SHQ1: variants seen among roughly 807,000 people sequenced by gnomAD.
The protein encoded by SHQ1 is SHQ1, H/ACA ribonucleoprotein assembly factor.
A neutral mutation model predicts 53.8 loss-of-function variants in SHQ1; 49 were observed. The ratio of observed to expected loss-of-function variants is 0.91; its 90% CI spans 0.72 to 1.16. The LOEUF (loss-of-function observed/expected upper bound fraction) is 1.16. SHQ1 is among the 50% of genes most tolerant of loss of function. SHQ1 has a pLI of 0.00. For missense variants in SHQ1, 738 were observed against 683.1 expected (o/e 1.08, Z -0.90); for synonymous variants, 243 against 251.0 (o/e 0.97, Z 0.30).
chr3:72,798,098 A>C (rs1290735736), intron 9 of SHQ1, among the ~76,000 whole-genome samples: 1 of 152,246 alleles, frequency 6.6e-6, no homozygotes, highest in Non-Finnish European at 1.5e-5. Flanking sequence ...GGGCATAAAA[A>C]AATGCTAAGG....
intron 10 of SHQ1, among the ~76,000 whole-genome samples, chr3:72,767,350 G>T (rs1425694376): frequency 6.6e-6 from 1 of 152,182 alleles, no homozygotes; most frequent in Non-Finnish European, 1.5e-5. Context: ...TCTGAAGCAG[G>T]GACACCATCT....
intron 6 of SHQ1, among the ~76,000 whole-genome samples, chr3:72,819,366 C>T (rs191605438): frequency 6.6e-6 from 1 of 152,258 alleles, no homozygotes; most frequent in Non-Finnish European, 1.5e-5. Context: ...CTTTCCAAAG[C>T]TACCATATCT....
At chr3:72,752,407 A>G (rs1254035378) in intron 10 of SHQ1, among the ~76,000 whole-genome samples, 1 of 152,152 alleles carries the variant, frequency 6.6e-6, no homozygotes, top group Non-Finnish European at 1.5e-5. Flanking sequence ...TTCACTGCCT[A>G]TTGTTTTATT....
intron 10 of SHQ1, among the ~76,000 whole-genome samples, chr3:72,771,463 A>G (rs1705849031): frequency 6.6e-6 from 1 of 152,244 alleles, no homozygotes; most frequent in Non-Finnish European, 1.5e-5. Flanking sequence ...AAAGACGAAT[A>G]TGAAGAATTT....
chr3:72,751,307 G>T (rs1705360016), intron 10 of SHQ1, among the ~76,000 whole-genome samples: 1 of 152,010 alleles, frequency 6.6e-6, no homozygotes, highest in Admixed American at 6.6e-5. Context: ...AGCCACTTGG[G>T]TGGAGGGGGG....
chr3:72,799,067 T>C (rs116124838), intron 9 of SHQ1, among the ~76,000 whole-genome samples: 1,695 of 150,848 alleles, frequency 0.011, 28 homozygotes, highest in African/African-American at 0.039. Flanking sequence ...ACACCTATAA[T>C]CCCAACACTA....
At chr3:72,725,625 C>T in the SHQ1 span, among the ~76,000 whole-genome samples, 44 of 152,282 alleles carry the variant, frequency 2.9e-4, no homozygotes, top group African/African-American at 6.5e-4. Flanking sequence ...CAGGTGTACA[C>T]GCACACACTC....
At chr3:72,794,802 G>A (rs775131750) in intron 9 of SHQ1, 1 of 152,190 alleles carries the variant, frequency 6.6e-6, no homozygotes, top group Non-Finnish European at 1.5e-5. Flanking sequence ...CCTTCGGGAA[G>A]TTCTGGGCTG....
At position 72,848,344 on chromosome 3, in the gene SHQ1, C is replaced by T. The variant is rs372599849; in HGVS notation, c.-4G>A. 3 of 1,613,618 alleles carry T rather than the reference C, an allele frequency of 1.9e-6. No individual in the cohort carries two copies. The highest frequency in any genetic ancestry group is 3.3e-5 in the Admixed American group (2 of 59,996). On this transcript the variant is annotated 5_prime_UTR_variant, in exon 1 of 11. Coordinates refer to ENST00000325599, the MANE Select transcript of SHQ1 (RefSeq NM_018130.3). Reference sequence around the variant, plus strand: ...GGTCGAACGCCGGGGTCAGCATCGCCGCACCGGACGCAAGGGCCGGCGCCG... The same window carrying T: ...GGTCGAACGCCGGGGTCAGCATCGCTGCACCGGACGCAAGGGCCGGCGCCG...
chr3:72,832,144 T>C (rs1707840877), intron 5 of SHQ1, among the ~76,000 whole-genome samples: 2 of 152,278 alleles, frequency 1.3e-5, no homozygotes, highest in South Asian at 4.1e-4. Flanking sequence ...GTTAGAAGAG[T>C]TCTCTGTTGC....
At position 72,848,196 on chromosome 3, in the gene SHQ1, G is replaced by C. The variant is rs766077592; in HGVS notation, c.143+2C>G. 5 of 1,614,124 alleles carry C rather than the reference G, an allele frequency of 3.1e-6. No individual in the cohort carries two copies. The South Asian group carries it at 5.5e-5, about 18-fold the overall frequency. ...TCCTGCGGCCAGGCACCCCGAACTC[G>C]CCTGAGAAAGTATGGCTTGGCGTAG... On this transcript the variant is annotated splice_donor_variant, in intron 1 of 10. Transcript: ENST00000325599. LOFTEE classifies it high-confidence loss of function.
chr3:72,777,847 A>C (rs1705988527), intron 10 of SHQ1, among the ~76,000 whole-genome samples: 2 of 152,226 alleles, frequency 1.3e-5, no homozygotes, highest in Admixed American at 1.3e-4. Flanking sequence ...CACTATATTC[A>C]GACAATGGGA....
rs1317252659 is a variant in SHQ1 at position 72,750,483 on chromosome 3, T to C, written c.1535A>G (p.Asn512Ser). Residue 512 changes from asparagine (N) to serine (S), a missense_variant, in exon 11 of 11, where the codon AAC (asparagine) becomes AGC (serine). Transcript: ENST00000325599. ...GGCATCAGACTCCTGGATGGCTGTG[T>C]TTCTGCGTACTCCACCATCAACAAT... ...FLIVDGGVRR[N>S]TAIQESDASQ... 1 of 1,614,202 alleles carries C rather than the reference T, an allele frequency of 6.2e-7. No individual in the cohort carries two copies. Among genetic ancestry groups the C allele is most frequent in the Non-Finnish European group, 8.5e-7 (1 of 1,180,038 alleles).
chr3:72,747,861 T>A (rs895064301), downstream of SHQ1, among the ~76,000 whole-genome samples: 12 of 151,690 alleles, frequency 7.9e-5, no homozygotes, highest in Middle Eastern at 6.8e-3. Flanking sequence ...TGGTGGTGCA[T>A]GCCTGTAATC....
chr3:72,765,408 G>A (rs1378490137), intron 10 of SHQ1, among the ~76,000 whole-genome samples: 2 of 149,312 alleles, frequency 1.3e-5, no homozygotes, highest in South Asian at 2.1e-4. Context: ...GTGCATCAGG[G>A]CTGCATTTTT....
intron 6 of SHQ1, among the ~76,000 whole-genome samples, chr3:72,819,481 T>A (rs1437209314): frequency 6.6e-6 from 1 of 152,174 alleles, no homozygotes. Context: ...TTTATAGCTT[T>A]AGTTAAGGTT....
chr3:72,845,413 G>A (rs1708299056), intron 1 of SHQ1, among the ~76,000 whole-genome samples: 1 of 151,982 alleles, frequency 6.6e-6, no homozygotes, highest in Non-Finnish European at 1.5e-5. Context: ...AACCCAGGAA[G>A]GGGAGGTTGC....
At chr3:72,836,255 C>T (rs980980253) in intron 4 of SHQ1, among the ~76,000 whole-genome samples, 1 of 152,128 alleles carries the variant, frequency 6.6e-6, no homozygotes, top group Admixed American at 6.5e-5. Context: ...TTTGGGAGGC[C>T]AAGGCGGGCA....
chr3:72,754,688 C>G (rs1705464735), intron 10 of SHQ1, among the ~76,000 whole-genome samples: 1 of 152,128 alleles, frequency 6.6e-6, no homozygotes, highest in Non-Finnish European at 1.5e-5. Flanking sequence ...GCCAAAGTGT[C>G]CTTTCTTAAG....
Sources: allele counts gnomAD v4.1 joint callset (sites outside exome capture counted in the v4.1 genomes callset), GRCh38; gene constraint gnomAD v4.1.1; transcripts MANE v1.5; gene names NCBI Gene and HGNC (gene_info 2026-07-23, HGNC 2026-07-21).